Variants in NCAN observed in about 807,000 individuals in gnomAD.
NCAN encodes neurocan.
In NCAN, 47 loss-of-function variants were observed where a neutral mutation model predicts 121.8. The observed-to-expected ratio is 0.39, with a 90% CI of 0.31 to 0.49. The LOEUF (loss-of-function observed/expected upper bound fraction) is 0.49, where lower values mean the gene tolerates loss of function less well. Ranked by LOEUF, NCAN falls within the 20% of genes least tolerant of loss-of-function variation. The probability of loss-of-function intolerance (pLI) is 0.92; values close to 1 mark genes in which losing one functional copy is unlikely to be tolerated. For missense variants in NCAN, 1,517 were observed against 1,773.4 expected, an observed-to-expected ratio of 0.86 and a Z score of 2.60; for synonymous variants, 633 against 702.0, an observed-to-expected ratio of 0.90 and a Z score of 1.55.
intron 3 of NCAN, among the ~76,000 whole-genome samples, chr19:19,223,460 C>T (rs2060824041): frequency 1.3e-5 from 2 of 151,990 alleles, no homozygotes; most frequent in Admixed American, 1.3e-4. Flanking sequence ...CTTATAAATG[C>T]TTTTCTTTTT....
chr19:19,250,232 C>A lies in NCAN; in HGVS notation c.*321C>A. 1 of 540,006 alleles carries A rather than the reference C, an allele frequency of 1.9e-6. No individual in the cohort carries two copies. Among genetic ancestry groups the A allele is most frequent in the Non-Finnish European group, 3.5e-6 (1 of 282,430 alleles). The allele number at this position is 540,006 out of a possible 1,614,324, so 33.5% of individuals were successfully genotyped here. A position where few individuals can be genotyped will look rare whatever the true frequency, so the allele number is the denominator to read the frequency against. On this transcript the variant is annotated 3_prime_UTR_variant, in exon 15 of 15. Coordinates refer to ENST00000252575, the MANE Select transcript of NCAN (RefSeq NM_004386.3). ...TGTTTGCCAGGCTGATTGAAGCAGGCCTTGATGAGGGTGCATGAGTGTATG... is the reference window on the plus strand; with the variant it reads ...TGTTTGCCAGGCTGATTGAAGCAGGACTTGATGAGGGTGCATGAGTGTATG...
intron 12 of NCAN, among the ~76,000 whole-genome samples, chr19:19,241,305 G>C (rs1250607007): frequency 6.6e-6 from 1 of 151,848 alleles, no homozygotes; most frequent in Non-Finnish European, 1.5e-5. Flanking sequence ...GTCCATGCTT[G>C]TAATCCCAGC....
Position 19,227,898 on chromosome 19 carries a change from G to T in NCAN, c.2278G>T (p.Val760Phe). 1 of 1,613,676 alleles carries T rather than the reference G, an allele frequency of 6.2e-7. No individual in the cohort carries two copies. Among genetic ancestry groups the T allele is most frequent in the South Asian group, 1.1e-5 (1 of 91,080 alleles). The change falls in exon 8 of 15, where the codon GTC becomes TTC. Residue 760 changes from valine to phenylalanine, a missense_variant. By Grantham distance (50) the Val-to-Phe change is conservative. Transcript: ENST00000252575. The surrounding 1 kb of genome is among the most constrained non-coding windows in gnomAD (Gnocchi z 4.2). The part of the protein sequence containing the change: ...LRGIPGSESG[V>F]FDTAESPTSG... ...GGGTATCCCGGGGTCTGAGTCTGGG[G>T]TCTTCGACACAGCAGAAAGCCCCAC...
At position 19,227,975 on chromosome 19, in the gene NCAN, G is replaced by T. The variant is rs759489412; in HGVS notation, c.2355G>T (p.Val785=). Residue 785 remains valine, a synonymous_variant, in exon 8 of 15, where the codon GTG becomes GTT. Transcript: ENST00000252575. This position sits in a 1 kb window ranked among gnomAD's most constrained non-coding sequence, Gnocchi z 4.2. ...VDEVQDPWPS[V]YSKGLDASSP... The stretch of plus-strand genomic sequence containing the variant: ...AGGTGCAGGACCCCTGGCCCTCAGT[G>T]TACAGCAAAGGGCTGGATGCAAGTT... 6.2e-7 allele frequency: 1 copy of T among 1,613,428 alleles called. No homozygotes were observed. Among genetic ancestry groups the T allele is most frequent in the Non-Finnish European group, 8.5e-7 (1 of 1,179,966 alleles).
At chr19:19,232,815 A>T (rs1460730517) in intron 8 of NCAN, 2 of 152,236 alleles carry the variant, frequency 1.3e-5, no homozygotes, top group African/African-American at 4.8e-5. Context: ...AGGGAAAGAT[A>T]CAGACAAGAA....
rs1246788463 is a variant in NCAN, at chr19:19,227,182, G to A, written c.1661-99G>A. On this transcript the variant is annotated intron_variant, in intron 7 of 14. Coordinates refer to ENST00000252575, the MANE Select transcript of NCAN (RefSeq NM_004386.3). This position sits in a 1 kb window ranked among gnomAD's most constrained non-coding sequence, Gnocchi z 4.2. ...GGGAGGAAGCTCCAAATCCCAGCTG[G>A]GTCCTCTGGCCCCAGAAGCCCCCTC... The A allele has an allele frequency of 6.7e-7, 1 of 1,491,910 alleles. No homozygotes were observed. The highest frequency in any genetic ancestry group is 1.4e-5 in the African/African-American group (1 of 71,308). The allele number at this position is 1,491,910 out of a possible 1,614,324, so 92.4% of individuals were successfully genotyped here. A position where few individuals can be genotyped will look rare whatever the true frequency, so the allele number is the denominator to read the frequency against.
Position 19,227,036 on chromosome 19 carries a change from G to C in NCAN, c.1623G>C (p.Trp541Cys). 6.6e-7 allele frequency: 1 copy of C among 1,518,264 alleles called. No homozygotes were observed. Among genetic ancestry groups the C allele is most frequent in the East Asian group, 2.3e-5 (1 of 43,998 alleles). 94.0% of individuals were successfully genotyped at this position (1,518,264 alleles called of 1,614,324 possible). ...GCAGTGGCCAGAGCCGGAGCCCCTG[G>C]GCTGATCTGACCAATGAGGTGGATA... ...MLGSGQSRSPWADLTNEVDMP... is the reference protein window; with the variant it reads ...MLGSGQSRSPCADLTNEVDMP... Residue 541 changes from tryptophan to cysteine, a missense_variant, in exon 7 of 15, where the codon TGG (tryptophan) becomes TGC (cysteine). Transcript: ENST00000252575. The surrounding 1 kb of genome is among the most constrained non-coding windows in gnomAD (Gnocchi z 4.2).
At position 19,250,255 on chromosome 19, in the gene NCAN, A is replaced by G; in HGVS notation, c.*344A>G. Reference sequence around the variant, plus strand: ...GGCCTTGATGAGGGTGCATGAGTGTATGTTTGCATTCACATGAAGGAATTG... The same window carrying G: ...GGCCTTGATGAGGGTGCATGAGTGTGTGTTTGCATTCACATGAAGGAATTG... On this transcript the variant is annotated 3_prime_UTR_variant, in exon 15 of 15. Transcript: ENST00000252575. 2.2e-6 allele frequency: 1 copy of G among 460,842 alleles called. No individual in the cohort carries two copies. The highest frequency in any genetic ancestry group is 4.2e-6 in the Non-Finnish European group (1 of 240,730). 28.5% of individuals were successfully genotyped at this position (460,842 alleles called of 1,614,324 possible).
At chr19:19,245,156 C>T (rs555025760) in intron 12 of NCAN, among the ~76,000 whole-genome samples, 157 bp from the exon 13 acceptor site, 2 of 152,288 alleles carry the variant, frequency 1.3e-5, no homozygotes, top group South Asian at 2.1e-4. Context: ...TGGTGGCCCC[C>T]GTCAGGATGG....
chr19:19,222,129 A>T (rs541627023), intron 3 of NCAN, among the ~76,000 whole-genome samples: 1 of 152,272 alleles, frequency 6.6e-6, no homozygotes, highest in Admixed American at 6.5e-5. Flanking sequence ...GTCTTACCAC[A>T]TAGTTTATGG....
At chr19:19,234,888 T>C in intron 9 of NCAN, 95 bp from the exon 10 acceptor site, 1 of 683,238 alleles carries the variant, frequency 1.5e-6, no homozygotes, top group Non-Finnish European at 2.5e-6. Context: ...GGATGGATGG[T>C]AGGACCATGA....
At position 19,212,218 on chromosome 19, in the gene NCAN, C is replaced by A. The variant is rs1371547302; in HGVS notation, c.-8+154C>A. On this transcript the variant is annotated intron_variant, in intron 1 of 14. Transcript: ENST00000252575. The surrounding 1 kb of genome is among the most constrained non-coding windows in gnomAD (Gnocchi z 4.5). ...GGGGAGCCCTAGGTTGAGGAGGGAG[C>A]GCGAACTGGGAGGGGGCTTGGGAAT... is the stretch of plus-strand genomic sequence containing the variant. Among the ~76,000 whole-genome samples, 1 of 149,484 alleles carries A rather than the reference C, an allele frequency of 6.7e-6. No homozygotes were observed. The highest frequency in any genetic ancestry group is 1.5e-5 in the Non-Finnish European group (1 of 67,424).
At chr19:19,223,547 AC>A (rs1376051827) in intron 3 of NCAN, among the ~76,000 whole-genome samples, 1 of 151,964 alleles carries the variant, frequency 6.6e-6, no homozygotes, top group Non-Finnish European at 1.5e-5. Flanking sequence ...ATCCCGGCTC[AC>A]CGCAACCTCT....
At chr19:19,232,452 T>C (rs2060863829) in intron 8 of NCAN, among the ~76,000 whole-genome samples, 1 of 152,232 alleles carries the variant, frequency 6.6e-6, no homozygotes, top group African/African-American at 2.4e-5. Context: ...AGGGCCGTCG[T>C]CCAGCCACAG....
chr19:19,217,109 C>T (rs1173436084), intron 2 of NCAN, 83 bp downstream of exon 2: 5 of 997,504 alleles, frequency 5.0e-6, no homozygotes, highest in Non-Finnish European at 6.8e-6. Context: ...GAGCCTTCTC[C>T]TGCTGGTCTC....
intron 1 of NCAN, among the ~76,000 whole-genome samples, chr19:19,213,112 C>A (rs1010646782): frequency 1.3e-5 from 2 of 152,142 alleles, no homozygotes; most frequent in Non-Finnish European, 2.9e-5. Flanking sequence ...AGGGTTGGCT[C>A]TGGGCCCCAG....
At position 19,227,458 on chromosome 19, in the gene NCAN, C is replaced by T. The variant is rs951063842; in HGVS notation, c.1838C>T (p.Ala613Val). 10 of 1,613,512 alleles carry T rather than the reference C, an allele frequency of 6.2e-6. No individual in the cohort carries two copies. Among genetic ancestry groups the T allele is most frequent in the Non-Finnish European group, 7.6e-6 (9 of 1,179,898 alleles). Residue 613 changes from alanine to valine, a missense_variant, in exon 8 of 15, where the codon GCT (alanine) becomes GTT (valine). Transcript: ENST00000252575. This position sits in a 1 kb window ranked among gnomAD's most constrained non-coding sequence, Gnocchi z 4.2. ...FWSPLEATVS[A>V]PSPAPWEAFP... ...TCCCCCTTGGAGGCCACTGTCTCAG[C>T]TCCCAGCCCTGCCCCCTGGGAGGCA... is the stretch of plus-strand genomic sequence containing the variant.
Position 19,235,045 on chromosome 19 carries a change from G to A in NCAN, c.3199G>A (p.Gly1067Ser). 6.2e-7 allele frequency: 1 copy of A among 1,613,040 alleles called. No individual in the cohort carries two copies. The highest frequency in any genetic ancestry group is 8.5e-7 in the Non-Finnish European group (1 of 1,179,234). Reference sequence around the variant, plus strand: ...AGGCACCTGTATTGATGAGGTCAATGGCTTTGTCTGCCTTTGCCTCCCCAG... The same window carrying A: ...AGGCACCTGTATTGATGAGGTCAATAGCTTTGTCTGCCTTTGCCTCCCCAG... ...NGGTCIDEVN[G>S]FVCLCLPSYG... The change falls in exon 10 of 15, where the codon GGC (glycine) becomes AGC (serine). Residue 1067 changes from glycine (G) to serine (S), a missense_variant. Physicochemically the swap from Gly to Ser is moderately conservative, Grantham distance 56. Coordinates refer to ENST00000252575, the MANE Select transcript of NCAN (RefSeq NM_004386.3).
At chr19:19,237,273 T>C (rs922321277) in intron 10 of NCAN, among the ~76,000 whole-genome samples, 1 of 152,098 alleles carries the variant, frequency 6.6e-6, no homozygotes, top group Non-Finnish European at 1.5e-5. Context: ...GGCAGGCTGA[T>C]CATGTCAGGA....
Sources: gnomAD v4.1 joint callset for allele counts (sites outside exome capture counted in the v4.1 genomes callset) on GRCh38, gnomAD v4.1.1 for gene constraint, Gnocchi (gnomAD v3.1) non-coding constraint, MANE v1.5 for transcripts, NCBI Gene and HGNC (gene_info 2026-07-23, HGNC 2026-07-21) for gene names.